Variants in RBFOX1 observed in about 807,000 individuals in gnomAD.
RBFOX1 encodes the protein RNA binding protein fox-1 homolog 1.
A neutral mutation model predicts 57.7 loss-of-function variants in RBFOX1; 8 were observed. That is an observed-to-expected ratio of 0.14 (90% CI 0.08 to 0.25). The LOEUF (loss-of-function observed/expected upper bound fraction) is 0.25. Ranked by LOEUF, RBFOX1 falls within the 10% of genes least tolerant of loss-of-function variation. The pLI is 1.00. For missense variants in RBFOX1, 611 were observed against 548.5 expected (o/e 1.11, Z -1.14); for synonymous variants, 326 against 222.4 (o/e 1.47, Z -4.15).
Position 7,259,117 on chromosome 16 carries a change from C to G in RBFOX1, c.27+207019C>G, listed in dbSNP as rs374973149. Among the ~76,000 whole-genome samples the G allele has an allele frequency of 5.3e-5, 8 of 152,178 alleles. No homozygotes were observed. The East Asian group carries it at 9.6e-4, about 18-fold the overall frequency. The stretch of plus-strand genomic sequence containing the variant: ...ATGAGAAGCAATTTAACCTGGTTGA[C>G]CATCTCCATCAATCTGTCACCTGGA... On this transcript the variant is annotated intron_variant, in intron 4 of 15. Transcript: ENST00000550418.
At chr16:7,259,792 C>G (rs528934260) in intron 4 of RBFOX1, among the ~76,000 whole-genome samples, 3 of 151,950 alleles carry the variant, frequency 2.0e-5, no homozygotes, top group Admixed American at 1.3e-4. Context: ...GAAATGTTTT[C>G]TTAAAAAACT....
intron 4 of RBFOX1, among the ~76,000 whole-genome samples, chr16:7,353,105 A>G (rs1030889120): frequency 1.3e-5 from 2 of 152,144 alleles, no homozygotes; most frequent in Admixed American, 1.3e-4. Flanking sequence ...CCAGTTGTCT[A>G]AAGTTTTTAG....
At chr16:6,666,298 C>T (rs1207723426) in intron 3 of RBFOX1, among the ~76,000 whole-genome samples, 2 of 152,122 alleles carry the variant, frequency 1.3e-5, no homozygotes, top group South Asian at 4.1e-4. Flanking sequence ...CTTTGGGAGG[C>T]TTAGGCGGGC....
chr16:5,823,053 C>G (rs1223394186), intron 3 of RBFOX1, among the ~76,000 whole-genome samples: 1 of 152,166 alleles, frequency 6.6e-6, no homozygotes, highest in African/African-American at 2.4e-5. Flanking sequence ...ATTAGTAATG[C>G]TATTGGGAGC....
intron 4 of RBFOX1, among the ~76,000 whole-genome samples, chr16:7,445,790 A>G (rs58680525): frequency 0.036 from 5,512 of 152,238 alleles, 328 homozygotes; most frequent in African/African-American, 0.13. Flanking sequence ...GATATCCCAA[A>G]AGTACCTAAT....
intron 2 of RBFOX1, among the ~76,000 whole-genome samples, chr16:5,541,586 T>C (rs989826220): frequency 7.2e-5 from 11 of 152,146 alleles, no homozygotes; most frequent in Non-Finnish European, 1.5e-4. Flanking sequence ...GGTAATCAGA[T>C]ATGCGTTTAT....
intron 2 of RBFOX1, among the ~76,000 whole-genome samples, chr16:5,490,476 C>G (rs1302934190): frequency 6.6e-6 from 1 of 151,892 alleles, no homozygotes; most frequent in Non-Finnish European, 1.5e-5. Context: ...AGAGAGGCGT[C>G]CTGGGAACCT....
chr16:7,667,785 T>G (rs1291311128), intron 13 of RBFOX1, among the ~76,000 whole-genome samples: 1 of 152,140 alleles, frequency 6.6e-6, no homozygotes, highest in Non-Finnish European at 1.5e-5. Flanking sequence ...GCAATTCTCC[T>G]GCCTCAGCTT....
chr16:7,147,247 C>T (rs994634503), intron 4 of RBFOX1, among the ~76,000 whole-genome samples: 11 of 151,244 alleles, frequency 7.3e-5, no homozygotes, highest in African/African-American at 2.2e-4. Context: ...TCAAGTGATC[C>T]GCCCACCTCA....
intron 4 of RBFOX1, among the ~76,000 whole-genome samples, chr16:7,218,096 T>C (rs1009103373): frequency 6.7e-6 from 1 of 149,832 alleles, no homozygotes; most frequent in Non-Finnish European, 1.5e-5. Flanking sequence ...TGTGTGTGTG[T>C]GCCCCTGAGT....
At chr16:7,437,022 A>C (rs1172430115) in intron 4 of RBFOX1, among the ~76,000 whole-genome samples, 2 of 152,230 alleles carry the variant, frequency 1.3e-5, no homozygotes, top group South Asian at 4.1e-4. Context: ...TGGAGATTGC[A>C]GTAAGCCAAG....
Position 5,398,739 on chromosome 16 carries a change from G to C in RBFOX1, c.220-68477G>C, listed in dbSNP as rs528859087. Among the ~76,000 whole-genome samples, 22 of 152,288 alleles carry C rather than the reference G, an allele frequency of 1.4e-4. 1 individual carries two copies. In the South Asian group the frequency reaches 4.6e-3, roughly 32 times the overall value. ...GGTCTCTTGAAGGGGTTGGGAGTAA[G>C]TGATGATTCCATGGGAGCGAGGGAA... On this transcript the variant is annotated intron_variant, in intron 1 of 2. Coordinates refer to the RBFOX1 transcript ENST00000585867.
chr16:7,071,714 C>A (rs2057377271), intron 4 of RBFOX1, among the ~76,000 whole-genome samples: 1 of 151,834 alleles, frequency 6.6e-6, no homozygotes, highest in South Asian at 2.1e-4. Flanking sequence ...AATTCTAGGT[C>A]CCTATACACA....
intron 5 of RBFOX1, among the ~76,000 whole-genome samples, chr16:7,567,259 AT>A (rs2091980104): frequency 7.2e-6 from 1 of 137,958 alleles, no homozygotes; most frequent in Admixed American, 7.6e-5. Context: ...CCCTATATAT[AT>A]ATATCCCTAT....
intron 4 of RBFOX1, among the ~76,000 whole-genome samples, chr16:7,179,639 G>T (rs1353384550): frequency 3.9e-5 from 6 of 152,110 alleles, no homozygotes; most frequent in Admixed American, 2.0e-4. Flanking sequence ...CACATAGGGG[G>T]AGATTCCAAC....
chr16:7,038,000 A>G (rs2045032323), intron 3 of RBFOX1, among the ~76,000 whole-genome samples: 1 of 152,208 alleles, frequency 6.6e-6, no homozygotes, highest in Admixed American at 6.5e-5. Flanking sequence ...TTACAGTTAA[A>G]ACATCTTAAC....
At chr16:5,723,569 C>A (rs115773070) in intron 3 of RBFOX1, among the ~76,000 whole-genome samples, 2 of 132,442 alleles carry the variant, frequency 1.5e-5, no homozygotes, top group African/African-American at 8.6e-5. Context: ...GAGTAGTCAG[C>A]CCACAGGAAA....
chr16:6,571,658 C>G (rs1332357050), intron 2 of RBFOX1, among the ~76,000 whole-genome samples: 1 of 152,094 alleles, frequency 6.6e-6, no homozygotes, highest in East Asian at 1.9e-4. Context: ...TCTCTTGAGC[C>G]TGCTGAAGGC....
chr16:6,687,182 A>G (rs1481521113), intron 3 of RBFOX1, among the ~76,000 whole-genome samples: 1 of 152,164 alleles, frequency 6.6e-6, no homozygotes, highest in Non-Finnish European at 1.5e-5. Context: ...TCTTGGTTTT[A>G]ACATCAGGTA....
Sources: allele counts gnomAD v4.1 joint callset (sites outside exome capture counted in the v4.1 genomes callset), GRCh38; gene constraint gnomAD v4.1.1; transcripts MANE v1.5; gene names NCBI Gene and HGNC (gene_info 2026-07-23, HGNC 2026-07-21).